Variants in GTF2F2 observed in about 807,000 individuals in gnomAD.
GTF2F2 encodes ATP-dependent helicase GTF2F2.
Under a neutral mutation model 42.2 loss-of-function variants are expected in GTF2F2, and 23 were observed. The ratio of observed to expected loss-of-function variants is 0.55; its 90% CI spans 0.39 to 0.77. The LOEUF (loss-of-function observed/expected upper bound fraction) is 0.77, where lower values mean the gene tolerates loss of function less well. GTF2F2 is among the 30% of genes least tolerant of loss of function. GTF2F2 has a pLI of 0.00. For synonymous variants in GTF2F2, 105 were observed against 100.8 expected (o/e 1.04, Z -0.25); for missense variants, 261 against 287.2 (o/e 0.91, Z 0.66).
At chr13:45,193,792 T>A (rs1236699840) in intron 4 of GTF2F2, 2 of 1,578,098 alleles carry the variant, frequency 1.3e-6, no homozygotes, top group Non-Finnish European at 1.7e-6. Flanking sequence ...AGGTAATTAC[T>A]TGATAAAATG....
intron 5 of GTF2F2, among the ~76,000 whole-genome samples, chr13:45,246,834 T>C (rs781774686): frequency 6.6e-6 from 1 of 151,196 alleles, no homozygotes; most frequent in Non-Finnish European, 1.5e-5. Flanking sequence ...TCAGGAGCTC[T>C]AGACCATCCT....
In GTF2F2 at chr13:45,278,646, C is replaced by A. The variant is rs190148798; in HGVS notation, c.631-4796C>A. 2.0e-5 allele frequency among the ~76,000 whole-genome samples: 3 copies of A among 151,362 alleles called. No homozygotes were observed. In the East Asian group the frequency reaches 5.9e-4, roughly 30 times the overall value. On this transcript the variant is annotated intron_variant, in intron 7 of 7. Transcript: ENST00000340473. ...AGGAGGAGAACTCCTTTCTCTAGAT[C>A]TCTACACAGAATTGCTGTTCAAATC...
chr13:45,131,192 G>A (rs1869324565), intron 1 of GTF2F2, among the ~76,000 whole-genome samples: 1 of 150,924 alleles, frequency 6.6e-6, no homozygotes, highest in Non-Finnish European at 1.5e-5. Context: ...TGGGCAACAA[G>A]AGTGAAACTC....
chr13:45,222,587 G>A (rs1043931620), intron 5 of GTF2F2, among the ~76,000 whole-genome samples: 1 of 148,134 alleles, frequency 6.8e-6, no homozygotes, highest in Non-Finnish European at 1.5e-5. Context: ...TAATACTATA[G>A]GATGAGCACA....
At chr13:45,174,126 C>G (rs762792543) in intron 4 of GTF2F2, among the ~76,000 whole-genome samples, 1 of 152,042 alleles carries the variant, frequency 6.6e-6, no homozygotes. Context: ...CTGGGTTGTT[C>G]CCAGATTTTG....
chr13:45,138,065 A>C (rs1869725511), intron 2 of GTF2F2, among the ~76,000 whole-genome samples: 1 of 152,102 alleles, frequency 6.6e-6, no homozygotes, highest in African/African-American at 2.4e-5. Flanking sequence ...ATAGTTGATC[A>C]CTTTTTTCCT....
chr13:45,228,514 C>T (rs368904643), intron 5 of GTF2F2, among the ~76,000 whole-genome samples: 1 of 147,440 alleles, frequency 6.8e-6, no homozygotes, highest in East Asian at 2.1e-4. Flanking sequence ...CCTCTTGAGA[C>T]CAGTAGCATT....
Position 45,161,256 on chromosome 13 carries a change from AAC to A in GTF2F2, c.304+9429_304+9430del, listed in dbSNP as rs532875800. On this transcript the variant is annotated intron_variant, in intron 4 of 7. Transcript: ENST00000340473. ...TGCTTTTGCACTATTGGCAAATATC[AAC>A]ACAGTGAAAAAGGTAATTAAATATT... 1.9e-3 allele frequency among the ~76,000 whole-genome samples: 289 copies of A among 152,318 alleles called. 3 individuals are homozygous for A. Among genetic ancestry groups the A allele is most frequent in the African/African-American group, 6.5e-3 (271 of 41,572 alleles).
Position 45,283,667 on chromosome 13 carries a change from C to A in GTF2F2, c.*106C>A. 1.1e-6 allele frequency: 1 copy of A among 873,322 alleles called. No homozygotes were observed. The highest frequency in any genetic ancestry group is 1.6e-6 in the Non-Finnish European group (1 of 624,286). The allele number at this position is 873,322 out of a possible 1,614,324, so 54.1% of individuals were successfully genotyped here. On this transcript the variant is annotated 3_prime_UTR_variant, in exon 8 of 8. Coordinates refer to ENST00000340473, the MANE Select transcript of GTF2F2 (RefSeq NM_004128.3). ...CCGTATGTTAATAGGGGTTAAGTGA[C>A]AGTACTTTGATTTCTCTCGGTAAAT...
intron 6 of GTF2F2, among the ~76,000 whole-genome samples, chr13:45,266,593 G>A (rs1463931340): frequency 2.6e-5 from 4 of 152,176 alleles, no homozygotes; most frequent in Non-Finnish European, 5.9e-5. Flanking sequence ...AGCACTACAC[G>A]TTAGAGTTTT....
chr13:45,183,218 A>G (rs1208476291), intron 4 of GTF2F2, among the ~76,000 whole-genome samples: 2 of 152,248 alleles, frequency 1.3e-5, no homozygotes, highest in East Asian at 1.9e-4. Context: ...CTATAAAATA[A>G]TAGTGTTAAT....
chr13:45,274,851 G>A (rs1876960967), intron 7 of GTF2F2, among the ~76,000 whole-genome samples: 1 of 152,008 alleles, frequency 6.6e-6, no homozygotes. Context: ...GGCAGAGGTT[G>A]TAGTGAGCCC....
At chr13:45,163,639 T>A (rs1167000000) in intron 4 of GTF2F2, among the ~76,000 whole-genome samples, 1 of 152,230 alleles carries the variant, frequency 6.6e-6, no homozygotes, top group African/African-American at 2.4e-5. Flanking sequence ...TTCATTTCCT[T>A]TGGCTTTTTC....
chr13:45,174,415 G>A (rs150797784), intron 4 of GTF2F2, among the ~76,000 whole-genome samples: 10 of 152,176 alleles, frequency 6.6e-5, no homozygotes, highest in African/African-American at 2.4e-4. Flanking sequence ...CTCAAAAGCT[G>A]CCAGGTATCC....
rs541857757 is a variant in GTF2F2, at chr13:45,209,505, T to C, written c.386+2000T>C. On this transcript the variant is annotated intron_variant, in intron 5 of 7. Coordinates refer to ENST00000340473, the MANE Select transcript of GTF2F2 (RefSeq NM_004128.3). ...GATCATGTGAGTTTCATGAAGTAGA[T>C]GATGACATAAGTCTTGAAGACAGCT... Among the ~76,000 whole-genome samples the C allele has an allele frequency of 3.9e-5, 6 of 152,300 alleles. 1 individual carries two copies. In the East Asian group the frequency reaches 1.2e-3, roughly 29 times the overall value.
In GTF2F2 at chr13:45,127,938, CTTTTTTTTTTTTTTT is replaced by C. The variant is rs1161627204; in HGVS notation, c.66+7234_66+7248del. Among the ~76,000 whole-genome samples the C allele has an allele frequency of 8.8e-4, 43 of 48,606 alleles. 2 individuals are homozygous for C. Among genetic ancestry groups the C allele is most frequent in the African/African-American group, 2.3e-3 (28 of 12,078 alleles). 31.9% of individuals were successfully genotyped at this position (48,606 alleles called of 152,430 possible). On this transcript the variant is annotated intron_variant, in intron 1 of 7. Transcript: ENST00000340473. Reference sequence around the variant, plus strand: ...GAGCCACTGTGCCTGGCACCCCGGCCTTTTTTTTTTTTTTTTTTTTTTTTTTTTTTTCTTTTTTTT... The same window carrying C: ...GAGCCACTGTGCCTGGCACCCCGGCCTTTTTTTTTTTTTTTTCTTTTTTTT...
chr13:45,142,923 G>A (rs1202290013), intron 2 of GTF2F2, among the ~76,000 whole-genome samples: 1 of 152,136 alleles, frequency 6.6e-6, no homozygotes, highest in African/African-American at 2.4e-5. Context: ...TAAACAAAAG[G>A]CTCCATTGAT....
In GTF2F2 at chr13:45,120,630, C is replaced by T; in HGVS notation, c.-26C>T. 1.3e-6 allele frequency: 2 copies of T among 1,544,462 alleles called. No individual in the cohort carries two copies. The highest frequency in any genetic ancestry group is 1.8e-6 in the Non-Finnish European group (2 of 1,140,278). ...GGCTCCTGGGGTCGCTGCTGCATCC[C>T]GCACGCCTCCACCGGCTGCAGACCC... On this transcript the variant is annotated 5_prime_UTR_variant, in exon 1 of 8. Coordinates refer to ENST00000340473, the MANE Select transcript of GTF2F2 (RefSeq NM_004128.3).
At chr13:45,238,624 C>T (rs564764800) in intron 5 of GTF2F2, among the ~76,000 whole-genome samples, 1 of 150,238 alleles carries the variant, frequency 6.7e-6, no homozygotes, top group African/African-American at 2.5e-5. Flanking sequence ...AGTAGCATGA[C>T]ACATCATGCC....
Sources: gnomAD v4.1 joint callset for allele counts (sites outside exome capture counted in the v4.1 genomes callset) on GRCh38, gnomAD v4.1.1 for gene constraint, MANE v1.5 for transcripts, NCBI Gene and HGNC (gene_info 2026-07-23, HGNC 2026-07-21) for gene names.